ZMAT5: variants seen among roughly 807,000 people sequenced by gnomAD.
ZMAT5 encodes the protein zinc finger matrin-type 5, also known as zinc finger matrin-type protein 5.
In ZMAT5, 23 loss-of-function variants were observed where a neutral mutation model predicts 28.0. The observed-to-expected ratio is 0.82, with a 90% CI of 0.59 to 1.16. ZMAT5 has a LOEUF of 1.16. Among genes scored for constraint, ZMAT5 ranks in the 50% most tolerant of loss-of-function variants. The probability of loss-of-function intolerance (pLI) is 0.00; values close to 1 mark genes in which losing one functional copy is unlikely to be tolerated. For synonymous variants in ZMAT5, 76 were observed against 84.1 expected (o/e 0.90, Z 0.52); for missense variants, 173 against 212.7 (o/e 0.81, Z 1.16).
At chr22:29,739,984 C>A (rs1306689104) in intron 4 of ZMAT5, among the ~76,000 whole-genome samples, 1 of 152,236 alleles carries the variant, frequency 6.6e-6, no homozygotes, top group African/African-American at 2.4e-5. Context: ...CTTAAGGGGG[C>A]AGGCACTGAG....
At chr22:29,738,253 G>C in intron 5 of ZMAT5, 77 bp downstream of exon 5, 1 of 1,360,146 alleles carries the variant, frequency 7.4e-7, no homozygotes, top group South Asian at 1.2e-5. Flanking sequence ...GGAGATTCCT[G>C]AGCCTCAGGA....
chr22:29,764,751 C>T (rs2147241709), intron 1 of ZMAT5, among the ~76,000 whole-genome samples: 1 of 152,272 alleles, frequency 6.6e-6, no homozygotes, highest in South Asian at 2.1e-4. Context: ...GATCCACCCA[C>T]CTTAGCCTCC....
At chr22:29,737,116 A>C (rs2067913508) in intron 5 of ZMAT5, among the ~76,000 whole-genome samples, 1 of 151,910 alleles carries the variant, frequency 6.6e-6, no homozygotes, top group Non-Finnish European at 1.5e-5. Context: ...GATCACCTGA[A>C]GTCGGGAGTT....
intron 5 of ZMAT5, among the ~76,000 whole-genome samples, chr22:29,733,890 C>T (rs113362607): frequency 1.3e-5 from 2 of 152,228 alleles, no homozygotes; most frequent in African/African-American, 4.8e-5. Flanking sequence ...CTGCCAGGGC[C>T]CCAGACACGT....
intron 5 of ZMAT5, among the ~76,000 whole-genome samples, chr22:29,735,590 G>A (rs555205669): frequency 6.6e-6 from 1 of 152,366 alleles, no homozygotes; most frequent in South Asian, 2.1e-4. Flanking sequence ...TAGACACAGA[G>A]CAGGGACCTA....
At chr22:29,733,271 G>A (rs527932370) in intron 5 of ZMAT5, among the ~76,000 whole-genome samples, 30 of 152,362 alleles carry the variant, frequency 2.0e-4, no homozygotes, top group African/African-American at 7.2e-4. Context: ...GGGGCCCAGT[G>A]GCCAGCCCTC....
At chr22:29,748,087 G>C (rs2147227006) in intron 2 of ZMAT5, 2 of 375,022 alleles carry the variant, frequency 5.3e-6, no homozygotes, top group East Asian at 6.7e-5. Flanking sequence ...CCTGCTCCGA[G>C]AGCCCTGGTG....
intron 1 of ZMAT5, 38 bp from the exon 2 acceptor site, chr22:29,748,609 G>C (rs906700305): frequency 2.5e-6 from 4 of 1,607,190 alleles, no homozygotes; most frequent in Non-Finnish European, 3.4e-6. Context: ...GACCATTGGA[G>C]AAAACACATC....
intron 1 of ZMAT5, among the ~76,000 whole-genome samples, chr22:29,761,821 T>C (rs1353392311): frequency 6.6e-6 from 1 of 152,182 alleles, no homozygotes; most frequent in East Asian, 1.9e-4. Flanking sequence ...TGATTTTAGA[T>C]TGAGAGGTTA....
chr22:29,765,819 G>A (rs2068204356), intron 1 of ZMAT5, among the ~76,000 whole-genome samples: 1 of 152,150 alleles, frequency 6.6e-6, no homozygotes, highest in Non-Finnish European at 1.5e-5. Flanking sequence ...AGTAAGCCGA[G>A]ATAGCACCAC....
In ZMAT5 at chr22:29,757,374, C is replaced by T. The variant is rs147248862; in HGVS notation, c.-27-8803G>A. Among the ~76,000 whole-genome samples the T allele has an allele frequency of 7.2e-3, 1,097 of 152,248 alleles. 11 individuals are homozygous for T. Among genetic ancestry groups the T allele is most frequent in the African/African-American group, 0.025 (1,042 of 41,528 alleles). ...CTGTTTTCCCTTAAACACAACTACT[C>T]TAATCACCAACCCAGGTCTGAATCC... On this transcript the variant is annotated intron_variant, in intron 1 of 5. Transcript: ENST00000344318.
At chr22:29,756,310 G>A (rs2068100673) in intron 1 of ZMAT5, among the ~76,000 whole-genome samples, 1 of 152,178 alleles carries the variant, frequency 6.6e-6, no homozygotes, top group Non-Finnish European at 1.5e-5. Context: ...CACCCTGTGG[G>A]GGTGGTCTGC....
At chr22:29,761,480 T>A (rs927653445) in intron 1 of ZMAT5, among the ~76,000 whole-genome samples, 1 of 151,308 alleles carries the variant, frequency 6.6e-6, no homozygotes, top group Admixed American at 6.6e-5. Flanking sequence ...CAGCTACTAC[T>A]GCTCAAGAGG....
intron 1 of ZMAT5, among the ~76,000 whole-genome samples, chr22:29,758,341 C>T (rs180829315): frequency 7.9e-5 from 12 of 152,290 alleles, no homozygotes; most frequent in Admixed American, 5.2e-4. Context: ...TTAGGTTGGA[C>T]GCAGTGGTTC....
intron 5 of ZMAT5, among the ~76,000 whole-genome samples, chr22:29,736,744 G>T (rs1324968221): frequency 7.1e-6 from 1 of 140,614 alleles, no homozygotes; most frequent in African/African-American, 2.7e-5. Flanking sequence ...AAAAAAAAAG[G>T]CTGGGCGCGG....
At chr22:29,749,100 CAG>C (rs2068035131) in intron 1 of ZMAT5, among the ~76,000 whole-genome samples, 1 of 150,502 alleles carries the variant, frequency 6.6e-6, no homozygotes, top group Non-Finnish European at 1.5e-5. Flanking sequence ...TTTTTTGAGA[CAG>C]AGTCTCGCTC....
chr22:29,745,226 C>T (rs752505415), intron 2 of ZMAT5, among the ~76,000 whole-genome samples: 8 of 152,138 alleles, frequency 5.3e-5, no homozygotes, highest in Non-Finnish European at 1.2e-4. Flanking sequence ...TGAGGATTTG[C>T]TGCCTGACTT....
chr22:29,750,599 A>C (rs952364452), intron 1 of ZMAT5, among the ~76,000 whole-genome samples: 3 of 152,230 alleles, frequency 2.0e-5, no homozygotes, highest in African/African-American at 4.8e-5. Context: ...TGGGCCACCA[A>C]GGGGGATCTG....
In ZMAT5 at chr22:29,738,191, G is replaced by A. The variant is rs373493783; in HGVS notation, c.383+139C>T. On this transcript the variant is annotated intron_variant, in intron 5 of 5. Coordinates refer to ENST00000344318, the MANE Select transcript of ZMAT5 (RefSeq NM_001003692.2). ...GGGCCTGGGGCCCCAAGGGCTCCTC[G>A]GGGAGCTATGTGTAGGCAACTTTAT... is the stretch of plus-strand genomic sequence containing the variant. 2.5e-5 allele frequency: 19 copies of A among 756,270 alleles called. No homozygotes were observed. In the Middle Eastern group the frequency reaches 1.1e-3, roughly 44 times the overall value. 46.8% of individuals were successfully genotyped at this position (756,270 alleles called of 1,614,324 possible).
Sources: allele counts gnomAD v4.1 joint callset (sites outside exome capture counted in the v4.1 genomes callset), GRCh38; gene constraint gnomAD v4.1.1; transcripts MANE v1.5; gene names NCBI Gene and HGNC (gene_info 2026-07-23, HGNC 2026-07-21).